FHIT: variants seen among roughly 807,000 people sequenced by gnomAD.
The protein encoded by FHIT is bis(5'-adenosyl)-triphosphatase.
Under a neutral mutation model 17.9 loss-of-function variants are expected in FHIT, and 19 were observed. The ratio of observed to expected loss-of-function variants is 1.06; its 90% CI spans 0.74 to 1.56. The LOEUF is 1.56. Ranked by LOEUF, FHIT falls within the 40% of genes most tolerant of loss-of-function variation. FHIT has a pLI of 0.00. For synonymous variants in FHIT, 81 were observed against 69.7 expected, an observed-to-expected ratio of 1.16 and a Z score of -0.81; for missense variants, 248 against 189.2, an observed-to-expected ratio of 1.31 and a Z score of -1.82.
At chr3:60,072,267 A>T (rs1398190340) in intron 5 of FHIT, among the ~76,000 whole-genome samples, 1 of 152,212 alleles carries the variant, frequency 6.6e-6, no homozygotes, top group Non-Finnish European at 1.5e-5. Flanking sequence ...TTGAGAAGAC[A>T]GCCCTTTATA....
chr3:60,164,028 GC>G (rs1357675498), intron 5 of FHIT, among the ~76,000 whole-genome samples: 2 of 152,290 alleles, frequency 1.3e-5, no homozygotes, highest in South Asian at 4.1e-4. Flanking sequence ...TCAGGGGCAT[GC>G]CTGGCTCAAA....
intron 4 of FHIT, among the ~76,000 whole-genome samples, chr3:60,673,335 AT>A (rs1263535371): frequency 1.3e-5 from 2 of 152,206 alleles, no homozygotes; most frequent in African/African-American, 4.8e-5. Flanking sequence ...TTATGCAGCC[AT>A]AAAAAGGAAT....
intron 5 of FHIT, among the ~76,000 whole-genome samples, chr3:60,258,382 C>T (rs1706127177): frequency 6.6e-6 from 1 of 152,024 alleles, no homozygotes; most frequent in Non-Finnish European, 1.5e-5. Context: ...AACTCCAGGC[C>T]CACTTCCTCT....
intron 4 of FHIT, among the ~76,000 whole-genome samples, chr3:60,625,229 A>G (rs2682944): frequency 0.92 from 139,648 of 152,310 alleles, 64,189 homozygotes; most frequent in African/African-American, 0.98. Context: ...TTTTTAGCAA[A>G]TTTAATGTTG....
chr3:60,390,335 T>C (rs866114053), intron 5 of FHIT, among the ~76,000 whole-genome samples: 4 of 143,380 alleles, frequency 2.8e-5, no homozygotes, highest in African/African-American at 1.1e-4. Flanking sequence ...ATGTACTGTA[T>C]AACATTTCAA....
At chr3:60,015,015 T>C (rs949374078) in intron 5 of FHIT, among the ~76,000 whole-genome samples, 2 of 152,208 alleles carry the variant, frequency 1.3e-5, no homozygotes, top group Non-Finnish European at 2.9e-5. Context: ...TATGCACACA[T>C]GTGTATATAC....
intron 8 of FHIT, among the ~76,000 whole-genome samples, chr3:59,806,608 CAT>C (rs59917872): frequency 0.83 from 123,910 of 148,946 alleles, 51,908 homozygotes; most frequent in Middle Eastern, 0.94. Context: ...TTGAGCAAAT[CAT>C]ATATATATAT....
At chr3:60,946,580 G>C (rs181079047) in intron 3 of FHIT, among the ~76,000 whole-genome samples, 2 of 152,282 alleles carry the variant, frequency 1.3e-5, no homozygotes, top group Admixed American at 1.3e-4. Flanking sequence ...TTTTTACTGA[G>C]AATGATGAGT....
At chr3:60,596,807 TGCTG>T (rs2038286689) in intron 4 of FHIT, among the ~76,000 whole-genome samples, 1 of 152,160 alleles carries the variant, frequency 6.6e-6, no homozygotes, top group Non-Finnish European at 1.5e-5. Flanking sequence ...ACGCCTAGCA[TGCTG>T]GCTCTTACCA....
intron 5 of FHIT, among the ~76,000 whole-genome samples, chr3:60,334,509 C>T (rs1251421370): frequency 1.3e-5 from 2 of 152,128 alleles, no homozygotes; most frequent in Admixed American, 6.6e-5. Flanking sequence ...ATGTATTGGC[C>T]AGCACAGTGA....
intron 5 of FHIT, among the ~76,000 whole-genome samples, chr3:60,190,330 C>CAG (rs1419455974): frequency 6.7e-6 from 1 of 148,232 alleles, no homozygotes; most frequent in Non-Finnish European, 1.5e-5. Context: ...GGCTAATGGC[C>CAG]AGAGAGTGGG....
chr3:60,323,766 T>C (rs1018147034), intron 5 of FHIT, among the ~76,000 whole-genome samples: 22 of 152,308 alleles, frequency 1.4e-4, no homozygotes, highest in African/African-American at 5.1e-4. Flanking sequence ...TTGCCACAGA[T>C]AGACAGCTAA....
intron 7 of FHIT, among the ~76,000 whole-genome samples, chr3:59,958,991 T>C (rs917092724): frequency 3.3e-5 from 5 of 152,178 alleles, no homozygotes; most frequent in African/African-American, 1.2e-4. Flanking sequence ...ACTTAAGTAA[T>C]TAGACTAAAC....
intron 5 of FHIT, among the ~76,000 whole-genome samples, chr3:60,125,396 C>A (rs969990244): frequency 3.9e-5 from 6 of 152,066 alleles, no homozygotes; most frequent in African/African-American, 1.4e-4. Context: ...CTTTGGGAGG[C>A]TGAGGCGGTC....
intron 5 of FHIT, among the ~76,000 whole-genome samples, chr3:60,280,438 G>T (rs1235701111): frequency 6.6e-6 from 1 of 152,144 alleles, no homozygotes; most frequent in Non-Finnish European, 1.5e-5. Flanking sequence ...AAGGTGAGAA[G>T]ATTACCCTAA....
chr3:60,048,545 C>T (rs866736572), intron 5 of FHIT, among the ~76,000 whole-genome samples: 2 of 152,100 alleles, frequency 1.3e-5, no homozygotes, highest in Non-Finnish European at 2.9e-5. Context: ...GTTAGGGCTT[C>T]GGTGTGAATT....
intron 5 of FHIT, among the ~76,000 whole-genome samples, chr3:60,287,557 G>A (rs1377041466): frequency 4.6e-5 from 7 of 152,146 alleles, no homozygotes; most frequent in Non-Finnish European, 1.5e-5. Context: ...TTAGAACACT[G>A]TTTGAGACAC....
intron 5 of FHIT, among the ~76,000 whole-genome samples, chr3:60,330,913 C>G (rs1340706912): frequency 6.6e-6 from 1 of 152,126 alleles, no homozygotes; most frequent in Admixed American, 6.5e-5. Flanking sequence ...AGCAGAAGCT[C>G]CCAACCACAG....
At chr3:59,862,919 T>C (rs961478846) in intron 8 of FHIT, among the ~76,000 whole-genome samples, 1 of 152,130 alleles carries the variant, frequency 6.6e-6, no homozygotes, top group Non-Finnish European at 1.5e-5. Flanking sequence ...CGGGGTAGGA[T>C]GTGGGCTGGG....
Sources: allele counts gnomAD v4.1 joint callset (sites outside exome capture counted in the v4.1 genomes callset), GRCh38; gene constraint gnomAD v4.1.1; transcripts MANE v1.5; gene names NCBI Gene and HGNC (gene_info 2026-07-23, HGNC 2026-07-21).